Variants in FRYL observed in about 807,000 individuals in gnomAD.
The protein encoded by FRYL is protein furry homolog-like.
A neutral mutation model predicts 351.2 loss-of-function variants in FRYL; 150 were observed. The ratio of observed to expected loss-of-function variants is 0.43; its 90% CI spans 0.37 to 0.49. The LOEUF (loss-of-function observed/expected upper bound fraction) is 0.49. Among genes scored for constraint, FRYL ranks in the 20% least tolerant of loss-of-function variants. The pLI is 0.00. For synonymous variants in FRYL, 1,153 were observed against 1,257.1 expected (o/e 0.92, Z 1.75); for missense variants, 3,036 against 3,619.3 (o/e 0.84, Z 4.13).
At chr4:48,687,288 A>C (rs1281600840) in intron 2 of FRYL, among the ~76,000 whole-genome samples, 1 of 152,106 alleles carries the variant, frequency 6.6e-6, no homozygotes, top group Admixed American at 6.5e-5. Context: ...TCTTATTTAA[A>C]ACAAAAAAGT....
intron 3 of FRYL, among the ~76,000 whole-genome samples, chr4:48,648,019 T>G (rs745947253): frequency 6.6e-6 from 1 of 152,176 alleles, no homozygotes; most frequent in Non-Finnish European, 1.5e-5. Context: ...CCAAGACCTA[T>G]TTTTCCTACC....
intron 1 of FRYL, among the ~76,000 whole-genome samples, chr4:48,724,669 C>T (rs558891796): frequency 1.7e-4 from 26 of 152,240 alleles, no homozygotes; most frequent in African/African-American, 2.2e-4. Flanking sequence ...ACAAACGGTG[C>T]CCCTGATAAT....
At chr4:48,766,136 T>C (rs538598386) in intron 1 of FRYL, among the ~76,000 whole-genome samples, 2 of 152,308 alleles carry the variant, frequency 1.3e-5, no homozygotes, top group East Asian at 3.9e-4. Context: ...TGGGTATATA[T>C]CCAAAGTAAA....
At chr4:48,624,064 GAAGA>G (rs958797077) in intron 4 of FRYL, among the ~76,000 whole-genome samples, 5 of 152,050 alleles carry the variant, frequency 3.3e-5, no homozygotes, top group Non-Finnish European at 5.9e-5. Flanking sequence ...CAGAAGCCAA[GAAGA>G]AAGAGTATTT....
In FRYL at chr4:48,642,979, G is replaced by A. The variant is rs561873907; in HGVS notation, c.-80-8489C>T. ...ACAAGCTGAATTATATTGCTACCAT[G>A]AGTATGTGTAAGAAGCAACAAGAAT... On this transcript the variant is annotated intron_variant, in intron 3 of 63. Coordinates refer to ENST00000358350, the MANE Select transcript of FRYL (RefSeq NM_015030.2). Among the ~76,000 whole-genome samples, 6 of 152,282 alleles carry A rather than the reference G, an allele frequency of 3.9e-5. No individual in the cohort carries two copies. The South Asian group carries it at 1.0e-3, about 26-fold the overall frequency.
intron 1 of FRYL, among the ~76,000 whole-genome samples, chr4:48,716,311 A>AAG (rs1375759426): frequency 6.6e-6 from 1 of 151,486 alleles, no homozygotes; most frequent in African/African-American, 2.4e-5. Context: ...TGCACAGCAA[A>AAG]AGAAACTACC....
chr4:48,667,371 TA>T (rs1217212333), intron 3 of FRYL, among the ~76,000 whole-genome samples: 1 of 150,896 alleles, frequency 6.6e-6, no homozygotes, highest in East Asian at 1.9e-4. Context: ...TTGTTATCTC[TA>T]AAAAATAAAA....
At chr4:48,541,077 A>G in intron 45 of FRYL, 117 bp from the exon 46 acceptor site, 1 of 987,282 alleles carries the variant, frequency 1.0e-6, no homozygotes, top group African/African-American at 1.6e-5. Context: ...ATTTTTCAGT[A>G]TATCTGACTT....
At chr4:48,768,481 C>A (rs2109402442) in intron 1 of FRYL, among the ~76,000 whole-genome samples, 1 of 152,256 alleles carries the variant, frequency 6.6e-6, no homozygotes, top group East Asian at 1.9e-4. Context: ...GGACCTAGGA[C>A]TTGGTGAAGA....
intron 3 of FRYL, among the ~76,000 whole-genome samples, chr4:48,651,289 C>CTGTGTGTGTGTG (rs59845967): frequency 1.1e-4 from 7 of 62,408 alleles, no homozygotes; most frequent in East Asian, 4.8e-4. Flanking sequence ...CAGGATCTCA[C>CTGTGTGTGTGTG]TGTGTGTGTG....
chr4:48,503,285 T>C (rs1720124842), intron 60 of FRYL, among the ~76,000 whole-genome samples: 1 of 152,168 alleles, frequency 6.6e-6, no homozygotes, highest in Non-Finnish European at 1.5e-5. Flanking sequence ...CTTATAATCG[T>C]ACATAATAAA....
chr4:48,754,249 T>G (rs1002506257), intron 1 of FRYL, among the ~76,000 whole-genome samples: 1 of 152,230 alleles, frequency 6.6e-6, no homozygotes, highest in Non-Finnish European at 1.5e-5. Flanking sequence ...TTGTGGATAC[T>G]TCATATCAAT....
chr4:48,715,447 A>G (rs1467141308), intron 1 of FRYL, among the ~76,000 whole-genome samples: 8 of 152,058 alleles, frequency 5.3e-5, no homozygotes, highest in Admixed American at 2.0e-4. Context: ...AAATCAATGT[A>G]CAAAAATCAC....
intron 1 of FRYL, among the ~76,000 whole-genome samples, chr4:48,759,458 A>G (rs1373770815): frequency 6.6e-6 from 1 of 152,204 alleles, no homozygotes; most frequent in Non-Finnish European, 1.5e-5. Flanking sequence ...TAGTGGCTTT[A>G]AACAGCACAC....
At chr4:48,561,232 T>G (rs1173380348) in intron 33 of FRYL, among the ~76,000 whole-genome samples, 1 of 151,860 alleles carries the variant, frequency 6.6e-6, no homozygotes, top group African/African-American at 2.4e-5. Flanking sequence ...TTTGATGGAG[T>G]AGGGAGCGAA....
At chr4:48,591,106 C>T (rs1490846339) in intron 16 of FRYL, among the ~76,000 whole-genome samples, 1 of 152,094 alleles carries the variant, frequency 6.6e-6, no homozygotes. Flanking sequence ...CTCTCCTATC[C>T]TTCTATGGTC....
chr4:48,702,501 C>T (rs567124838), intron 2 of FRYL, among the ~76,000 whole-genome samples: 9 of 109,098 alleles, frequency 8.2e-5, no homozygotes, highest in African/African-American at 2.9e-4. Context: ...AAATGCTGGG[C>T]GCGGTGGCTC....
chr4:48,526,613 C>T (rs1162695778), intron 53 of FRYL, among the ~76,000 whole-genome samples: 15 of 152,142 alleles, frequency 9.9e-5, no homozygotes, highest in Non-Finnish European at 2.9e-5. Flanking sequence ...GACGGTTTTG[C>T]TGCTATCTGA....
intron 13 of FRYL, among the ~76,000 whole-genome samples, chr4:48,596,660 T>G (rs924060573): frequency 3.9e-5 from 6 of 152,156 alleles, no homozygotes; most frequent in Non-Finnish European, 8.8e-5. Flanking sequence ...GTACCTGGCA[T>G]GTATTAAACG....
Sources: allele counts gnomAD v4.1 joint callset (sites outside exome capture counted in the v4.1 genomes callset), GRCh38; gene constraint gnomAD v4.1.1; transcripts MANE v1.5; gene names NCBI Gene and HGNC (gene_info 2026-07-23, HGNC 2026-07-21).